ANKRD13C: variants seen among roughly 807,000 people sequenced by gnomAD.
The protein encoded by ANKRD13C is ankyrin repeat domain-containing protein 13C.
ANKRD13C carries 16 observed loss-of-function variants against 65.5 expected under a neutral mutation model. The ratio of observed to expected loss-of-function variants is 0.24; its 90% CI spans 0.17 to 0.37. The LOEUF (loss-of-function observed/expected upper bound fraction) is 0.37, where lower values mean the gene tolerates loss of function less well. Among genes scored for constraint, ANKRD13C ranks in the 10% least tolerant of loss-of-function variants. The pLI, the probability that ANKRD13C is intolerant of heterozygous loss-of-function variation, is 1.00. For missense variants in ANKRD13C, 503 were observed against 655.9 expected (o/e 0.77, Z 2.55); for synonymous variants, 235 against 238.7 (o/e 0.98, Z 0.14).
At chr1:70,343,693 C>T (rs377165530) in intron 1 of ANKRD13C, among the ~76,000 whole-genome samples, 51 of 152,004 alleles carry the variant, frequency 3.4e-4, no homozygotes, top group African/African-American at 1.1e-3. Flanking sequence ...CCACCATGCC[C>T]GACTAATTTT....
At position 70,276,974 on chromosome 1, in the gene ANKRD13C, TG is replaced by T. The variant is rs957937803; in HGVS notation, c.1216-131del. On this transcript the variant is annotated intron_variant, in intron 9 of 12. Transcript: ENST00000370944. ...TACTTAATCTCTTCAATATAATACT[TG>T]AAAAGGTTCCTTCCAAGATCGTTCC... 8.5e-5 allele frequency: 59 copies of T among 697,134 alleles called. No individual in the cohort carries two copies. In the African/African-American group the frequency reaches 9.1e-4, roughly 11 times the overall value. The allele number at this position is 697,134 out of a possible 1,614,324, so 43.2% of individuals were successfully genotyped here.
intron 1 of ANKRD13C, among the ~76,000 whole-genome samples, chr1:70,352,716 C>T (rs1001836630): frequency 6.6e-6 from 1 of 152,150 alleles, no homozygotes; most frequent in Non-Finnish European, 1.5e-5. Context: ...TTACCATCAT[C>T]AACAAACAAC....
At chr1:70,293,672 G>T in intron 8 of ANKRD13C, 1 of 422,732 alleles carries the variant, frequency 2.4e-6, no homozygotes, top group Non-Finnish European at 3.2e-6. Context: ...CCAACAAATG[G>T]ACTGCAATGT....
intron 1 of ANKRD13C, 104 bp from the exon 2 acceptor site, chr1:70,336,203 T>C (rs1682017301): frequency 3.6e-6 from 1 of 274,852 alleles, no homozygotes; most frequent in African/African-American, 2.2e-5. Flanking sequence ...TGGCAGATTT[T>C]AAGCAAAAAT....
chr1:70,350,647 AT>A (rs1238957216), intron 1 of ANKRD13C, among the ~76,000 whole-genome samples: 1 of 152,256 alleles, frequency 6.6e-6, no homozygotes, highest in East Asian at 1.9e-4. Context: ...TAAAAAATAC[AT>A]TAAAGAACTT....
chr1:70,320,797 C>CT (rs896815535), intron 3 of ANKRD13C, among the ~76,000 whole-genome samples: 75 of 143,906 alleles, frequency 5.2e-4, no homozygotes, highest in Non-Finnish European at 5.8e-4. Flanking sequence ...TTACTTTTTT[C>CT]TTTTTTTTTT....
At position 70,276,791 on chromosome 1, in the gene ANKRD13C, T is replaced by C. The variant is rs1679154632; in HGVS notation, c.1269A>G (p.Glu423=). 1 of 1,603,504 alleles carries C rather than the reference T, an allele frequency of 6.2e-7. No homozygotes were observed. Among genetic ancestry groups the C allele is most frequent in the South Asian group, 1.1e-5 (1 of 87,928 alleles). The part of the protein sequence containing the change: ...TPPPQNTITW[E]EYISAENGKA... Reference sequence around the variant, plus strand: ...TTCCATTTTCAGCAGATATATATTCTTCCCATGTAATAGTGTTCTGAGGAG... The same window carrying C: ...TTCCATTTTCAGCAGATATATATTCCTCCCATGTAATAGTGTTCTGAGGAG... Residue 423 remains glutamate, a synonymous_variant, in exon 10 of 13, where the codon GAA becomes GAG. Coordinates refer to ENST00000370944, the MANE Select transcript of ANKRD13C (RefSeq NM_030816.5).
intron 8 of ANKRD13C, 83 bp from the exon 9 acceptor site, chr1:70,292,632 A>G: frequency 2.0e-6 from 2 of 988,338 alleles, no homozygotes; most frequent in Non-Finnish European, 1.5e-6. Flanking sequence ...TAAATATGTA[A>G]CATGTAGGTG....
At chr1:70,262,943 T>TAAAAAA (rs34241203) in intron 12 of ANKRD13C, 96 bp from the exon 13 acceptor site, 127 of 460,508 alleles carry the variant, frequency 2.8e-4, no homozygotes, top group African/African-American at 1.1e-3. Flanking sequence ...CCTTAAAATG[T>TAAAAAA]AAAAAAAAAA....
intron 10 of ANKRD13C, among the ~76,000 whole-genome samples, chr1:70,275,485 T>G (rs1161941982): frequency 6.6e-6 from 1 of 151,746 alleles, no homozygotes; most frequent in Non-Finnish European, 1.5e-5. Context: ...CTATGTTGAC[T>G]CAGGTTGCCT....
chr1:70,269,797 A>T (rs1395143898), intron 12 of ANKRD13C, among the ~76,000 whole-genome samples: 2 of 152,078 alleles, frequency 1.3e-5, no homozygotes, highest in African/African-American at 4.8e-5. Context: ...AATTGTGAAG[A>T]TCAGGTTTAA....
rs1041396381 is a variant in ANKRD13C, at chr1:70,273,580, A to G, written c.1394+1140T>C. On this transcript the variant is annotated intron_variant, in intron 11 of 12. Coordinates refer to ENST00000370944, the MANE Select transcript of ANKRD13C (RefSeq NM_030816.5). ...GTTTATCAGTAGATGAATGATAAACAACAGTATATCAACACTACAAAATAA... is the reference window on the plus strand; with the variant it reads ...GTTTATCAGTAGATGAATGATAAACGACAGTATATCAACACTACAAAATAA... Among the ~76,000 whole-genome samples, 5 of 152,376 alleles carry G rather than the reference A, an allele frequency of 3.3e-5. No individual in the cohort carries two copies. In the South Asian group the frequency reaches 1.0e-3, roughly 32 times the overall value.
At chr1:70,310,364 T>A (rs1680798557) in intron 5 of ANKRD13C, among the ~76,000 whole-genome samples, 4 of 152,230 alleles carry the variant, frequency 2.6e-5, no homozygotes. Context: ...AGATCTAGGC[T>A]ATCTATAAGC....
intron 5 of ANKRD13C, among the ~76,000 whole-genome samples, chr1:70,306,759 T>A (rs1266407176): frequency 6.6e-6 from 1 of 152,226 alleles, no homozygotes; most frequent in Non-Finnish European, 1.5e-5. Flanking sequence ...CCCAAATATG[T>A]GCCTTGGTTA....
At chr1:70,310,856 C>T (rs576487884) in intron 5 of ANKRD13C, among the ~76,000 whole-genome samples, 1 of 152,196 alleles carries the variant, frequency 6.6e-6, no homozygotes, top group African/African-American at 2.4e-5. Flanking sequence ...GGTTTTAGGC[C>T]AATCTAACTT....
chr1:70,292,619 C>G (rs188994141), intron 8 of ANKRD13C, 70 bp from the exon 9 acceptor site: 2 of 1,148,936 alleles, frequency 1.7e-6, no homozygotes, highest in African/African-American at 3.2e-5. Flanking sequence ...ATATATTTTT[C>G]CATAAATATG....
intron 9 of ANKRD13C, among the ~76,000 whole-genome samples, chr1:70,282,618 T>C (rs1679447367): frequency 6.6e-6 from 1 of 152,244 alleles, no homozygotes; most frequent in South Asian, 2.1e-4. Flanking sequence ...CTATGACATG[T>C]AGCAATGGCT....
intron 2 of ANKRD13C, among the ~76,000 whole-genome samples, chr1:70,331,820 C>CAAAAAAAAAAAAAAAAAAAAAA (rs10526340): frequency 2.9e-5 from 2 of 70,040 alleles, no homozygotes; most frequent in Non-Finnish European, 5.0e-5. Context: ...AGACTCGACT[C>CAAAAAAAAAAAAAAAAAAAAAA]AAAAAAAAAA....
At chr1:70,349,790 G>A (rs1487843069) in intron 1 of ANKRD13C, among the ~76,000 whole-genome samples, 1 of 152,046 alleles carries the variant, frequency 6.6e-6, no homozygotes, top group Non-Finnish European at 1.5e-5. Context: ...TACAAGAAGG[G>A]ATAGAATGGA....
Sources: allele counts gnomAD v4.1 joint callset (sites outside exome capture counted in the v4.1 genomes callset), GRCh38; gene constraint gnomAD v4.1.1; transcripts MANE v1.5; gene names NCBI Gene and HGNC (gene_info 2026-07-23, HGNC 2026-07-21).